The following GRID1 variants were observed in gnomAD, a reference collection of about 807,000 sequenced individuals.
GRID1 encodes glutamate ionotropic receptor delta type subunit 1, also known as glutamate receptor ionotropic, delta-1.
A neutral mutation model predicts 98.0 loss-of-function variants in GRID1; 28 were observed. The ratio of observed to expected loss-of-function variants is 0.29; its 90% CI spans 0.21 to 0.39. The LOEUF is 0.39. Ranked by LOEUF, GRID1 falls within the 10% of genes least tolerant of loss-of-function variation. The pLI, the probability that GRID1 is intolerant of heterozygous loss-of-function variation, is 1.00. For missense variants in GRID1, 1,111 were observed against 1,340.5 expected, an observed-to-expected ratio of 0.83 and a Z score of 2.67; for synonymous variants, 553 against 538.5, an observed-to-expected ratio of 1.03 and a Z score of -0.37.
chr10:86,167,063 A>C (rs1410750993), intron 3 of GRID1, among the ~76,000 whole-genome samples: 1 of 152,244 alleles, frequency 6.6e-6, no homozygotes, highest in Non-Finnish European at 1.5e-5. Context: ...CAAGGGTAGA[A>C]GGGGAAGGCC....
At chr10:85,798,318 A>G (rs148066856) in intron 8 of GRID1, among the ~76,000 whole-genome samples, 335 of 152,362 alleles carry the variant, frequency 2.2e-3, no homozygotes, top group African/African-American at 7.8e-3. Flanking sequence ...AATTCTAATA[A>G]AAAGAAAAAC....
intron 12 of GRID1, among the ~76,000 whole-genome samples, chr10:85,679,810 C>A (rs1294453081): frequency 6.6e-6 from 1 of 152,202 alleles, no homozygotes; most frequent in African/African-American, 2.4e-5. Flanking sequence ...CATGACAAAC[C>A]ATCTGTAACA....
rs529107013 is a variant in GRID1 at position 86,073,453 on chromosome 10, T to C, written c.726+65366A>G. On this transcript the variant is annotated intron_variant, in intron 4 of 15. Coordinates refer to ENST00000327946, the MANE Select transcript of GRID1 (RefSeq NM_017551.3). ...CTTCCTGGGACAGTTTTGCTTTCCA[T>C]TGTGCACCCCAACAGTATAACTGTC... 5.3e-5 allele frequency among the ~76,000 whole-genome samples: 8 copies of C among 152,308 alleles called. No individual in the cohort carries two copies. The East Asian group carries it at 1.5e-3, about 29-fold the overall frequency.
At chr10:86,269,494 C>CTGACAT (rs1403493477) in intron 2 of GRID1, among the ~76,000 whole-genome samples, 5 of 152,350 alleles carry the variant, frequency 3.3e-5, no homozygotes, top group African/African-American at 1.2e-4. Context: ...TGCACACTGG[C>CTGACAT]TGACATTGAC....
At chr10:86,186,668 G>A (rs1845729589) in intron 3 of GRID1, among the ~76,000 whole-genome samples, 1 of 152,160 alleles carries the variant, frequency 6.6e-6, no homozygotes, top group Non-Finnish European at 1.5e-5. Context: ...ACTTACAGAG[G>A]TGTTACGAAA....
At chr10:85,705,145 C>T (rs559235043) in intron 12 of GRID1, among the ~76,000 whole-genome samples, 2 of 152,156 alleles carry the variant, frequency 1.3e-5, no homozygotes, top group African/African-American at 4.8e-5. Flanking sequence ...GAAATAGAGA[C>T]ACAAAAAACC....
At chr10:86,060,746 G>C (rs899234663) in intron 4 of GRID1, among the ~76,000 whole-genome samples, 3 of 152,134 alleles carry the variant, frequency 2.0e-5, no homozygotes, top group Admixed American at 1.3e-4. Flanking sequence ...CAGAGGACAC[G>C]GCACCTAGTC....
chr10:85,786,525 G>A (rs1054235922), intron 8 of GRID1, among the ~76,000 whole-genome samples: 2 of 152,200 alleles, frequency 1.3e-5, no homozygotes, highest in South Asian at 4.1e-4. Context: ...GCAGCAAAGG[G>A]CTGGAGAGGA....
chr10:85,861,860 C>A (rs1367473607), intron 6 of GRID1, among the ~76,000 whole-genome samples: 1 of 152,232 alleles, frequency 6.6e-6, no homozygotes, highest in Non-Finnish European at 1.5e-5. Context: ...AGTGAGGACT[C>A]AATGGTCACC....
chr10:86,355,240 T>A (rs537459466), intron 2 of GRID1, among the ~76,000 whole-genome samples: 18 of 152,256 alleles, frequency 1.2e-4, no homozygotes, highest in African/African-American at 4.1e-4. Context: ...GGAGCCCCAG[T>A]CTGTGTGAGA....
intron 9 of GRID1, among the ~76,000 whole-genome samples, chr10:85,728,435 A>T (rs1291356898): frequency 2.6e-5 from 4 of 152,216 alleles, no homozygotes; most frequent in African/African-American, 7.2e-5. Context: ...GAAACATGCA[A>T]CTTCTCATCC....
chr10:85,715,047 G>A (rs1841623447), intron 12 of GRID1, among the ~76,000 whole-genome samples: 1 of 152,082 alleles, frequency 6.6e-6, no homozygotes, highest in Non-Finnish European at 1.5e-5. Context: ...CAGATATATA[G>A]ACGAATGAAA....
intron 2 of GRID1, among the ~76,000 whole-genome samples, chr10:86,261,223 G>T (rs1847011360): frequency 6.6e-6 from 1 of 152,194 alleles, no homozygotes; most frequent in Non-Finnish European, 1.5e-5. Context: ...AAAATAACAG[G>T]ACAGAACCAA....
At chr10:86,267,773 A>G (rs928920315) in intron 2 of GRID1, among the ~76,000 whole-genome samples, 5 of 151,986 alleles carry the variant, frequency 3.3e-5, no homozygotes, top group Non-Finnish European at 2.9e-5. Flanking sequence ...CTGCCCACAC[A>G]CTTCCATAGG....
At chr10:85,956,741 G>A (rs1043546729) in intron 4 of GRID1, among the ~76,000 whole-genome samples, 2 of 152,176 alleles carry the variant, frequency 1.3e-5, no homozygotes, top group African/African-American at 4.8e-5. Context: ...AACAGAGTAG[G>A]CATGGGAAGC....
intron 2 of GRID1, among the ~76,000 whole-genome samples, chr10:86,307,697 A>G (rs1847777559): frequency 6.6e-6 from 1 of 152,230 alleles, no homozygotes; most frequent in African/African-American, 2.4e-5. Context: ...CCTCACCACA[A>G]AAAAGAAAAA....
chr10:86,240,811 T>C (rs953111818), intron 2 of GRID1, among the ~76,000 whole-genome samples: 2 of 152,200 alleles, frequency 1.3e-5, no homozygotes, highest in Non-Finnish European at 2.9e-5. Context: ...AGTGGCTCAC[T>C]GGTGGTCACC....
chr10:85,743,437 G>T (rs1841967085), intron 8 of GRID1, among the ~76,000 whole-genome samples: 1 of 152,138 alleles, frequency 6.6e-6, no homozygotes, highest in Non-Finnish European at 1.5e-5. Context: ...AAAATTTGGG[G>T]TTGTCATGCA....
chr10:85,681,376 A>G (rs1841206743), intron 12 of GRID1, among the ~76,000 whole-genome samples: 1 of 152,172 alleles, frequency 6.6e-6, no homozygotes, highest in Non-Finnish European at 1.5e-5. Context: ...TGAAGCAGAT[A>G]TTAGTATTCT....
Sources: gnomAD v4.1 joint callset for allele counts (sites outside exome capture counted in the v4.1 genomes callset) on GRCh38, gnomAD v4.1.1 for gene constraint, MANE v1.5 for transcripts, NCBI Gene and HGNC (gene_info 2026-07-23, HGNC 2026-07-21) for gene names.